DUS1L: variants seen among roughly 807,000 people sequenced by gnomAD.
DUS1L encodes the protein dihydrouridine synthase 1 like, also known as tRNA-dihydrouridine(16/17) synthase [NAD(P)(+)]-like.
DUS1L carries 56 observed loss-of-function variants against 61.2 expected under a neutral mutation model. The observed-to-expected ratio is 0.92, with a 90% confidence interval of 0.74 to 1.14. The LOEUF (loss-of-function observed/expected upper bound fraction) is 1.14, where lower values mean the gene tolerates loss of function less well. Among genes scored for constraint, DUS1L ranks in the 50% most tolerant of loss-of-function variants. The pLI is 0.00. For missense variants in DUS1L, 630 were observed against 632.4 expected (o/e 1.00, Z 0.04); for synonymous variants, 278 against 259.5 (o/e 1.07, Z -0.69).
intron 11 of DUS1L, 171 bp downstream of exon 11, chr17:82,059,777 C>G: frequency 1.1e-6 from 1 of 889,008 alleles, no homozygotes; most frequent in Non-Finnish European, 1.8e-6. Context: ...ACAGGGTCCC[C>G]GTTCTGACCC....
chr17:82,060,943 C>T lies in DUS1L; in HGVS notation c.861G>A (p.Glu287=), dbSNP rs759770216. 2 of 1,610,256 alleles carry T rather than the reference C, an allele frequency of 1.2e-6. No individual in the cohort carries two copies. The highest frequency in any genetic ancestry group is 1.7e-6 in the Non-Finnish European group (2 of 1,179,808). The part of the protein sequence containing the change: ...LWHHTLQVHQ[E]LREELAKVKT... ...TCACCTTGGCCAGCTCCTCTCGCAG[C>T]TCCTGGTGCACCTGCAGCCTGAGAC... Residue 287 remains glutamate, a synonymous_variant, in exon 9 of 14, where the codon GAG becomes GAA. Coordinates refer to ENST00000306796, the MANE Select transcript of DUS1L (RefSeq NM_022156.5).
chr17:82,064,747 G>A, intron 2 of DUS1L, 76 bp downstream of exon 2: 1 of 1,413,512 alleles, frequency 7.1e-7, no homozygotes, highest in Non-Finnish European at 9.7e-7. Context: ...TCCCGCCACA[G>A]AGAGAAGGGT....
intron 10 of DUS1L, 126 bp from the exon 11 acceptor site, chr17:82,060,219 GC>G: frequency 7.8e-7 from 1 of 1,290,146 alleles, no homozygotes; most frequent in Non-Finnish European, 1.0e-6. Flanking sequence ...TGTGAGGAGT[GC>G]CCTCCTTTCC....
At position 82,058,802 on chromosome 17, in the gene DUS1L, A is replaced by C; in HGVS notation, c.1185T>G (p.Cys395Trp). ...TCACCTTTGGGTTTCCACACTGGTC[A>C]CACTTTGCATATTTTGCTAGGAAAA... ...DPSLKPKYAK[C>W]DQCGNPKGNR... is the part of the protein sequence containing the mutation. The change falls in exon 12 of 14, where the codon TGT becomes TGG. Residue 395 changes from cysteine to tryptophan, a missense_variant. By Grantham distance (215) the Cys-to-Trp change is radical. Coordinates refer to ENST00000306796, the MANE Select transcript of DUS1L (RefSeq NM_022156.5). 1 of 1,613,342 alleles carries C rather than the reference A, an allele frequency of 6.2e-7. No homozygotes were observed. The highest frequency in any genetic ancestry group is 8.5e-7 in the Non-Finnish European group (1 of 1,179,868).
rs369610213 is a variant in DUS1L at position 82,058,768 on chromosome 17, G to A, written c.1206+13C>T. 65 of 1,613,286 alleles carry A rather than the reference G, an allele frequency of 4.0e-5. No individual in the cohort carries two copies. The highest frequency in any genetic ancestry group is 6.7e-5 in the Admixed American group (4 of 60,020). ...GCTGAAGCCTTGGTGGCTTGCAGCC[G>A]GAACCCACTCACCTTTGGGTTTCCA... On this transcript the variant is annotated intron_variant, in intron 12 of 13. Coordinates refer to ENST00000306796, the MANE Select transcript of DUS1L (RefSeq NM_022156.5).
chr17:82,061,968 C>A lies in DUS1L; in HGVS notation c.526G>T (p.Gly176Ter). 1 of 1,607,826 alleles carries A rather than the reference C, an allele frequency of 6.2e-7. No individual in the cohort carries two copies. The change falls in exon 6 of 14, where the codon GGA becomes TGA. Residue 176 changes from glycine to a stop codon, truncating the protein, a stop_gained. Transcript: ENST00000306796. LOFTEE classifies it high-confidence loss of function. ...GGCCCCTTCTGCTCCTTGGTGCGTC[C>A]GTGCACCGTCAGCAACTAGGACAGA... ...KAGCQLLTVH[G>*]RTKEQKGPLS...
chr17:82,058,379 C>G lies in DUS1L; in HGVS notation c.1244G>C (p.Cys415Ser), dbSNP rs2033184033. The change falls in exon 13 of 14, where the codon TGC becomes TCC. Residue 415 changes from cysteine (C) to serine (S), a missense_variant. By Grantham distance (112) the Cys-to-Ser change is moderately radical. Transcript: ENST00000306796. ...AGTCTCTTTGGAGGCTCGCTTCTTG[C>G]AGCAGCCGCGGCACAGGCTGAACAC... ...RCVFSLCRGC[C>S]KKRASKETAD... 7 of 1,489,428 alleles carry G rather than the reference C, an allele frequency of 4.7e-6. No individual in the cohort carries two copies. Among genetic ancestry groups the G allele is most frequent in the African/African-American group, 1.4e-5 (1 of 71,026 alleles). The allele number at this position is 1,489,428 out of a possible 1,614,324, so 92.3% of individuals were successfully genotyped here.
chr17:82,064,749 G>C (rs759772538), intron 2 of DUS1L, 74 bp downstream of exon 2: 18 of 1,422,590 alleles, frequency 1.3e-5, no homozygotes, highest in Middle Eastern at 2.6e-4. Flanking sequence ...CCGCCACAGA[G>C]AGAAGGGTTT....
chr17:82,060,111 G>C lies in DUS1L; in HGVS notation c.1023-18C>G. 6.2e-7 allele frequency: 1 copy of C among 1,609,446 alleles called. No individual in the cohort carries two copies. The highest frequency in any genetic ancestry group is 8.5e-7 in the Non-Finnish European group (1 of 1,178,468). The stretch of plus-strand genomic sequence containing the variant: ...CCCTGGGCCTGAGGGGAGGGCAGCG[G>C]GCAGAGCCCAAGGACACTGTGAGAG... On this transcript the variant is annotated intron_variant, in intron 10 of 13. Transcript: ENST00000306796.
In DUS1L at chr17:82,061,276, T is replaced by A; in HGVS notation, c.775A>T (p.Ile259Phe). ...VWELAEEYLD[I>F]VREHPCPLSY... Reference sequence around the variant, plus strand: ...AGGGGGCAGGGGTGCTCCCGCACGATGTCCAGATACTCCTCGGCCAGCTCC... The same window carrying A: ...AGGGGGCAGGGGTGCTCCCGCACGAAGTCCAGATACTCCTCGGCCAGCTCC... The change falls in exon 8 of 14, where the codon ATC becomes TTC. Residue 259 changes from isoleucine to phenylalanine, a missense_variant. Ile to Phe is a conservative substitution (Grantham distance 21). Coordinates refer to ENST00000306796, the MANE Select transcript of DUS1L (RefSeq NM_022156.5). The A allele has an allele frequency of 6.2e-7, 1 of 1,611,238 alleles. No homozygotes were observed. The highest frequency in any genetic ancestry group is 1.1e-5 in the South Asian group (1 of 90,910).
At chr17:82,059,099 AC>A in intron 11 of DUS1L, 1 of 484,736 alleles carries the variant, frequency 2.1e-6, no homozygotes. Context: ...TATCTGTCCT[AC>A]CCCCAGGCAG....
In DUS1L at chr17:82,058,317, G is replaced by A. The variant is rs370082561; in HGVS notation, c.1282+24C>T. The A allele has an allele frequency of 2.9e-4, 442 of 1,518,352 alleles. 3 individuals are homozygous for A. The highest frequency in any genetic ancestry group is 7.1e-4 in the Middle Eastern group (4 of 5,662). The allele number at this position is 1,518,352 out of a possible 1,614,324, so 94.1% of individuals were successfully genotyped here. On this transcript the variant is annotated intron_variant, in intron 13 of 13. Coordinates refer to ENST00000306796, the MANE Select transcript of DUS1L (RefSeq NM_022156.5). ...CGGAGGGGGTCTGTTTGCCTGCTGC[G>A]GGGCGGGTGGTAGGCGCCCTCACCT...
In DUS1L at chr17:82,060,558, G is replaced by A. The variant is rs905342211; in HGVS notation, c.1022+143C>T. On this transcript the variant is annotated intron_variant, in intron 10 of 13. Transcript: ENST00000306796. ...TGGAAGGTGTGTGCTGCTCGGAGCC[G>A]AGGCCTCCCTCCTCCTTTCCCTTGG... 8.2e-6 allele frequency: 9 copies of A among 1,103,762 alleles called. No homozygotes were observed. In the East Asian group the frequency reaches 1.6e-4, roughly 19 times the overall value. The allele number at this position is 1,103,762 out of a possible 1,614,324, so 68.4% of individuals were successfully genotyped here.
At chr17:82,059,054 G>A in intron 11 of DUS1L, 1 of 569,906 alleles carries the variant, frequency 1.8e-6, no homozygotes, top group Non-Finnish European at 3.2e-6. Flanking sequence ...ATAGGAAGCA[G>A]GTGGGCTGGG....
intron 11 of DUS1L, 152 bp downstream of exon 11, chr17:82,059,796 G>C: frequency 3.6e-6 from 4 of 1,123,482 alleles, no homozygotes; most frequent in South Asian, 2.9e-5. Flanking sequence ...CCCAAGTCTG[G>C]CTGACTACTC....
intron 11 of DUS1L, 99 bp from the exon 12 acceptor site, chr17:82,058,917 A>G: frequency 3.4e-6 from 4 of 1,171,826 alleles, no homozygotes; most frequent in Admixed American, 1.7e-5. Context: ...GATGGCGTCC[A>G]TGCCAGCTGT....
At position 82,062,867 on chromosome 17, in the gene DUS1L, G is replaced by T. The variant is rs1423351444; in HGVS notation, c.504C>A (p.Gly168=). The change falls in exon 5 of 14, where the codon GGC becomes GGA. Residue 168 remains glycine (G), a synonymous_variant. Transcript: ENST00000306796. ...CCGCGAGCCCAGGGCTCACCTGGCAGCCGGCCTTCTCCAGCATCTGGGCGT... is the reference window on the plus strand; with the variant it reads ...CCGCGAGCCCAGGGCTCACCTGGCATCCGGCCTTCTCCAGCATCTGGGCGT... The part of the protein sequence containing the change: ...VRYAQMLEKA[G]CQLLTVHGRT... 6.2e-7 allele frequency: 1 copy of T among 1,612,578 alleles called. No individual in the cohort carries two copies. Among genetic ancestry groups the T allele is most frequent in the Non-Finnish European group, 8.5e-7 (1 of 1,179,856 alleles).
rs1187619618 is a variant in DUS1L, at chr17:82,060,936, C to T, written c.868G>A (p.Glu290Lys). ...HTLQVHQELR[E>K]ELAKVKTLEG... ...AGGGTCTTCACCTTGGCCAGCTCCT[C>T]TCGCAGCTCCTGGTGCACCTGCAGC... Residue 290 changes from glutamate (E) to lysine (K), a missense_variant, in exon 9 of 14, where the codon GAG becomes AAG. Transcript: ENST00000306796. 2 of 1,610,508 alleles carry T rather than the reference C, an allele frequency of 1.2e-6. No individual in the cohort carries two copies. Among genetic ancestry groups the T allele is most frequent in the South Asian group, 2.2e-5 (2 of 91,022 alleles).
At chr17:82,059,791 G>T in intron 11 of DUS1L, 157 bp downstream of exon 11, 1 of 1,061,318 alleles carries the variant, frequency 9.4e-7, no homozygotes, top group Non-Finnish European at 1.4e-6. Context: ...CTGACCCCAA[G>T]TCTGGCTGAC....
Sources: gnomAD v4.1 joint callset for allele counts on GRCh38, gnomAD v4.1.1 for gene constraint, MANE v1.5 for transcripts, NCBI Gene and HGNC (gene_info 2026-07-23, HGNC 2026-07-21) for gene names.